TMPRSS9: variants seen among roughly 807,000 people sequenced by gnomAD.
TMPRSS9 encodes transmembrane protease serine 9.
TMPRSS9 carries 113 observed loss-of-function variants against 111.4 expected under a neutral mutation model. The observed-to-expected ratio is 1.01, with a 90% CI of 0.87 to 1.19. The LOEUF is 1.19. Ranked by LOEUF, TMPRSS9 falls within the 50% of genes most tolerant of loss-of-function variation. TMPRSS9 has a pLI of 0.00. For synonymous variants in TMPRSS9, 805 were observed against 659.1 expected (o/e 1.22, Z -3.39); for missense variants, 1,803 against 1,513.1 (o/e 1.19, Z -3.18).
At chr19:2,419,440 G>C (rs1464539582) in intron 13 of TMPRSS9, among the ~76,000 whole-genome samples, 1 of 151,524 alleles carries the variant, frequency 6.6e-6, no homozygotes, top group South Asian at 2.1e-4. Flanking sequence ...CTGATGTCGT[G>C]ATCTGCCCAC....
upstream of TMPRSS9, among the ~76,000 whole-genome samples, chr19:2,385,138 C>T (rs939174806): frequency 7.2e-6 from 1 of 138,756 alleles, no homozygotes; most frequent in African/African-American, 2.8e-5. Flanking sequence ...AGCCGGAGCT[C>T]GCAGGGGGCG....
upstream of TMPRSS9, among the ~76,000 whole-genome samples, chr19:2,388,102 G>A (rs1301638768): frequency 2.0e-5 from 3 of 152,094 alleles, no homozygotes; most frequent in African/African-American, 7.2e-5. Flanking sequence ...TTCGAAAGCT[G>A]GCACTCAGGC....
exon 14 of TMPRSS9, chr19:2,422,002 TCATGTCCTCCCAGCCCCTTCC>T (rs1383149334): frequency 1.9e-5 from 31 of 1,612,980 alleles, no homozygotes; most frequent in Non-Finnish European, 2.5e-5. Flanking sequence ...ATCCTGGAGA[TCATGTCCTCCCAGCCCCTTCC>T]CATGTCTCCC....
At chr19:2,414,948 T>A (rs1274076818) in intron 10 of TMPRSS9, among the ~76,000 whole-genome samples, 5 of 150,624 alleles carry the variant, frequency 3.3e-5, no homozygotes, top group African/African-American at 1.2e-4. Context: ...CCTATTTTTT[T>A]TTTTTTTTTT....
chr19:2,423,479 G>C (rs1224096369), intron 14 of TMPRSS9, among the ~76,000 whole-genome samples: 2 of 136,982 alleles, frequency 1.5e-5, no homozygotes, highest in East Asian at 5.4e-4. Context: ...GGGGGCGGGG[G>C]GGACCCAGGG....
intron 3 of TMPRSS9, 77 bp downstream of exon 4, chr19:2,398,939 G>A (rs1307896650): frequency 1.3e-6 from 2 of 1,538,398 alleles, no homozygotes; most frequent in African/African-American, 1.4e-5. Context: ...GAAAAGTTTG[G>A]AAGATTCTAG....
At chr19:2,395,207 C>T (rs1016415448) in intron 1 of TMPRSS9, among the ~76,000 whole-genome samples, 19 of 152,180 alleles carry the variant, frequency 1.2e-4, no homozygotes, top group Non-Finnish European at 7.3e-5. Context: ...CACCTGAGGT[C>T]AGGAGTTCCA....
intron 2 of TMPRSS9, 96 bp from the exon 4 acceptor site, chr19:2,398,699 C>G (rs908734790): frequency 2.6e-6 from 2 of 769,260 alleles, no homozygotes; most frequent in Admixed American, 6.1e-5. Flanking sequence ...GGAACCAACC[C>G]CTTCTCCAGC....
intron 13 of TMPRSS9, among the ~76,000 whole-genome samples, chr19:2,420,145 C>G (rs1454299200): frequency 6.8e-6 from 1 of 147,584 alleles, no homozygotes; most frequent in African/African-American, 2.6e-5. Flanking sequence ...CTGGGCGACA[C>G]AGCAAGACCC....
intron 9 of TMPRSS9, among the ~76,000 whole-genome samples, chr19:2,411,059 C>T (rs573537641): frequency 1.3e-5 from 2 of 151,830 alleles, no homozygotes; most frequent in African/African-American, 4.8e-5. Flanking sequence ...CAGCACTATG[C>T]GAGGCCAAGG....
At chr19:2,399,191 C>T in exon 4 of TMPRSS9, 1 of 1,595,252 alleles carries the variant, frequency 6.3e-7, no homozygotes, top group Non-Finnish European at 8.5e-7. Context: ...GCTGAGCTCA[C>T]AGGTGAGTGG....
At position 2,418,306 on chromosome 19, in the gene TMPRSS9, T is replaced by TCC. The variant is rs1491213680; in HGVS notation, c.2154+168_2154+169insCC. On this transcript the variant is annotated intron_variant, in intron 13 of 17. Transcript: ENST00000648592. ...TCCTTTCCTCCTTTCCTTCCCTCCC[T>TCC]TTCCCTCCCTCCCTCCCTCCCTCCC... Among the ~76,000 whole-genome samples, 285 of 53,360 alleles carry TCC rather than the reference T, an allele frequency of 5.3e-3. 31 individuals are homozygous for TCC. Among genetic ancestry groups the TCC allele is most frequent in the African/African-American group, 0.035 (230 of 6,536 alleles). The allele number at this position is 53,360 out of a possible 152,430, so 35.0% of individuals were successfully genotyped here.
chr19:2,410,576 T>C (rs1218162062), intron 9 of TMPRSS9, among the ~76,000 whole-genome samples, 182 bp downstream of exon 10: 1 of 152,090 alleles, frequency 6.6e-6, no homozygotes, highest in Non-Finnish European at 1.5e-5. Flanking sequence ...GGATGCCCGT[T>C]CTTGAGGAAT....
At chr19:2,397,313 C>T (rs762664380) in intron 2 of TMPRSS9, among the ~76,000 whole-genome samples, 5 of 151,774 alleles carry the variant, frequency 3.3e-5, no homozygotes, top group East Asian at 3.9e-4. Flanking sequence ...TTTTTTGAGA[C>T]GGAGTCTTGC....
chr19:2,407,659 G>A (rs936202699), intron 7 of TMPRSS9, among the ~76,000 whole-genome samples: 7 of 134,772 alleles, frequency 5.2e-5, no homozygotes, highest in Non-Finnish European at 1.1e-4. Context: ...CCAGGCTGGA[G>A]TGCAGTGGCG....
At chr19:2,425,381 A>T (rs762223173) in exon 17 of TMPRSS9, 2 of 1,542,064 alleles carry the variant, frequency 1.3e-6, no homozygotes, top group Admixed American at 3.8e-5. Context: ...CAGCTGCAGA[A>T]GGCGGCCGTG....
chr19:2,423,290 GGGTTCTGTGT>G (rs1351219218), intron 14 of TMPRSS9, among the ~76,000 whole-genome samples: 1 of 151,926 alleles, frequency 6.6e-6, no homozygotes, highest in East Asian at 1.9e-4. Context: ...AAATACAGGC[GGGTTCTGTGT>G]GGAGGTAGCT....
upstream of TMPRSS9, among the ~76,000 whole-genome samples, chr19:2,388,790 T>G (rs1437083939): frequency 6.6e-6 from 1 of 151,556 alleles, no homozygotes; most frequent in Non-Finnish European, 1.5e-5. Flanking sequence ...CTGGCTAATT[T>G]TTGTTCATTT....
At chr19:2,404,156 T>G (rs1165085268) in intron 6 of TMPRSS9, among the ~76,000 whole-genome samples, 1 of 151,954 alleles carries the variant, frequency 6.6e-6, no homozygotes, top group African/African-American at 2.4e-5. Context: ...GATAATAGAG[T>G]GAGACCTTGT....
Sources: gnomAD v4.1 joint callset for allele counts (sites outside exome capture counted in the v4.1 genomes callset) on GRCh38, gnomAD v4.1.1 for gene constraint, MANE v1.5 for transcripts, NCBI Gene and HGNC (gene_info 2026-07-23, HGNC 2026-07-21) for gene names.